Variants in SLC33A1 observed in about 807,000 individuals in gnomAD.
SLC33A1 encodes acetyl-coenzyme A transporter 1.
A neutral mutation model predicts 50.0 loss-of-function variants in SLC33A1; 20 were observed. The observed-to-expected ratio is 0.40, with a 90% CI of 0.28 to 0.58. SLC33A1 has a LOEUF of 0.58. SLC33A1 is among the 20% of genes least tolerant of loss of function. The pLI, the probability that SLC33A1 is intolerant of heterozygous loss-of-function variation, is 0.44. For synonymous variants in SLC33A1, 265 were observed against 251.8 expected, an observed-to-expected ratio of 1.05 and a Z score of -0.50; for missense variants, 476 against 657.0, an observed-to-expected ratio of 0.72 and a Z score of 3.01.
In SLC33A1 at chr3:155,854,037, G is replaced by A. The variant is rs549552505; in HGVS notation, c.-40C>T. ...AGAGCCCCGTCTGTGGGGGGCCGAGGCTGAGCGTTTTGGATCCGTCCAGTC... is the reference window on the plus strand; with the variant it reads ...AGAGCCCCGTCTGTGGGGGGCCGAGACTGAGCGTTTTGGATCCGTCCAGTC... On this transcript the variant is annotated 5_prime_UTR_variant, in exon 1 of 6. Transcript: ENST00000643144. 4 of 1,506,666 alleles carry A rather than the reference G, an allele frequency of 2.7e-6. No homozygotes were observed. In the Admixed American group the frequency reaches 7.0e-5, roughly 26 times the overall value. 93.3% of individuals were successfully genotyped at this position (1,506,666 alleles called of 1,614,324 possible). A position where few individuals can be genotyped will look rare whatever the true frequency, so the allele number is the denominator to read the frequency against.
At chr3:155,840,546 G>A (rs564873632) in intron 2 of SLC33A1, among the ~76,000 whole-genome samples, 5 of 151,950 alleles carry the variant, frequency 3.3e-5, no homozygotes, top group Admixed American at 6.5e-5. Flanking sequence ...TGCCAGGCGC[G>A]GTGGCTCATG....
Position 155,821,221 on chromosome 3 carries a change from C to T in SLC33A1, c.*6989G>A, listed in dbSNP as rs1035588662. 1 of 152,192 alleles carries T rather than the reference C, an allele frequency of 6.6e-6. No homozygotes were observed. The highest frequency in any genetic ancestry group is 1.5e-5 in the Non-Finnish European group (1 of 68,032). 9.4% of individuals were successfully genotyped at this position (152,192 alleles called of 1,614,324 possible). Reference sequence around the variant, plus strand: ...TATACTCAAAACACACCACACAAAACTATCAAGGCTAATGCTAGATATTCC... The same window carrying T: ...TATACTCAAAACACACCACACAAAATTATCAAGGCTAATGCTAGATATTCC... On this transcript the variant is annotated 3_prime_UTR_variant, in exon 6 of 6. Transcript: ENST00000643144.
intron 2 of SLC33A1, among the ~76,000 whole-genome samples, chr3:155,841,218 A>C (rs1752921700): frequency 1.3e-5 from 2 of 151,970 alleles, no homozygotes; most frequent in Admixed American, 1.3e-4. Context: ...GGCACATGCC[A>C]CCATACCCAG....
intron 2 of SLC33A1, among the ~76,000 whole-genome samples, chr3:155,837,172 A>AACAT (rs988123653): frequency 9.9e-5 from 15 of 151,750 alleles, no homozygotes; most frequent in Non-Finnish European, 2.1e-4. Flanking sequence ...CATCCTGGCT[A>AACAT]GGTGAAACCC....
intron 4 of SLC33A1, 152 bp from the exon 5 acceptor site, chr3:155,830,055 G>A: frequency 4.7e-6 from 3 of 641,814 alleles, no homozygotes; most frequent in Non-Finnish European, 8.2e-6. Context: ...CCTACTATAG[G>A]CCAGGCTTTA....
chr3:155,843,446 A>T (rs1577471439), intron 1 of SLC33A1, among the ~76,000 whole-genome samples: 1 of 152,210 alleles, frequency 6.6e-6, no homozygotes, highest in East Asian at 1.9e-4. Flanking sequence ...TCACACTCGT[A>T]GGTGCAGAAT....
At chr3:155,837,371 A>AG (rs2109320997) in intron 2 of SLC33A1, among the ~76,000 whole-genome samples, 1 of 152,084 alleles carries the variant, frequency 6.6e-6, no homozygotes, top group East Asian at 1.9e-4. Context: ...AAAAAAAAAA[A>AG]AAAAAGATAA....
chr3:155,829,638 T>C (rs372600957), intron 5 of SLC33A1, 50 bp downstream of exon 5: 5 of 1,276,256 alleles, frequency 3.9e-6, no homozygotes, highest in African/African-American at 2.9e-5. Flanking sequence ...AACAAAGATA[T>C]TAATATCTTA....
intron 2 of SLC33A1, 112 bp downstream of exon 2, chr3:155,842,320 T>A (rs1348079372): frequency 1.5e-6 from 1 of 655,818 alleles, no homozygotes; most frequent in Non-Finnish European, 2.6e-6. Context: ...TTTTTCATTG[T>A]TAAATTCTAA....
rs1752198659 is a variant in SLC33A1, at chr3:155,826,369, A to C, written c.*1841T>G. 2.0e-5 allele frequency: 3 copies of C among 152,004 alleles called. No individual in the cohort carries two copies. In the South Asian group the frequency reaches 6.2e-4, roughly 32 times the overall value. The allele number at this position is 152,004 out of a possible 1,614,324, so 9.4% of individuals were successfully genotyped here. A position where few individuals can be genotyped will look rare whatever the true frequency, so the allele number is the denominator to read the frequency against. ...ACCACTGTACTCCAGCCTGGGTGAC[A>C]AAGTGAGACTCTGTCTCAATTAAAA... On this transcript the variant is annotated 3_prime_UTR_variant, in exon 6 of 6. Coordinates refer to ENST00000643144, the MANE Select transcript of SLC33A1 (RefSeq NM_004733.4).
At chr3:155,842,734 TA>T in intron 1 of SLC33A1, 115 bp from the exon 2 acceptor site, 1 of 630,266 alleles carries the variant, frequency 1.6e-6, no homozygotes, top group Non-Finnish European at 2.6e-6. Flanking sequence ...ATTAGCCAAG[TA>T]CAGGTGCTCA....
At position 155,821,988 on chromosome 3, in the gene SLC33A1, G is replaced by A. The variant is rs539200041; in HGVS notation, c.*6222C>T. On this transcript the variant is annotated 3_prime_UTR_variant, in exon 6 of 6. Transcript: ENST00000643144. ...GGGTTTCACCATGTTGGCCAGGCTG[G>A]TCTCAAACTCCTGACCTCAAGTGAT... The A allele has an allele frequency of 5.9e-5, 9 of 151,846 alleles. No homozygotes were observed. The highest frequency in any genetic ancestry group is 2.2e-4 in the African/African-American group (9 of 41,380). The allele number at this position is 151,846 out of a possible 1,614,324, so 9.4% of individuals were successfully genotyped here.
Position 155,853,181 on chromosome 3 carries a change from A to G in SLC33A1, c.775+42T>C, listed in dbSNP as rs774806977. ...CTCCAACGTCACACACTCTTTCAAA[A>G]GGATAAATAAACCTAACACCATAAT... is the stretch of plus-strand genomic sequence containing the variant. On this transcript the variant is annotated intron_variant, in intron 1 of 5. Coordinates refer to ENST00000643144, the MANE Select transcript of SLC33A1 (RefSeq NM_004733.4). The G allele has an allele frequency of 4.5e-6, 7 of 1,544,294 alleles. No individual in the cohort carries two copies. The Admixed American group carries it at 1.0e-4, about 22-fold the overall frequency.
intron 2 of SLC33A1, among the ~76,000 whole-genome samples, chr3:155,838,589 G>A (rs748123667): frequency 6.6e-6 from 1 of 151,078 alleles, no homozygotes; most frequent in Non-Finnish European, 1.5e-5. Context: ...GCTGAGGCAG[G>A]AGAATTGCTT....
chr3:155,853,375 T>C lies in SLC33A1; in HGVS notation c.623A>G (p.Glu208Gly), dbSNP rs748977944. Residue 208 changes from glutamate to glycine, a missense_variant, in exon 1 of 6, where the codon GAA becomes GGA. Transcript: ENST00000643144. ...GCAAGTAGAAGCATAACCCACATTT[T>C]CCCTGGATAACATAGTTAACGCCCA... is the stretch of plus-strand genomic sequence containing the variant. The part of the protein sequence containing the change: ...DGWALTMLSR[E>G]NVGYASTCNS... 6.2e-7 allele frequency: 1 copy of C among 1,613,982 alleles called. No individual in the cohort carries two copies. Among genetic ancestry groups the C allele is most frequent in the African/African-American group, 1.3e-5 (1 of 74,908 alleles).
At chr3:155,842,969 C>T (rs2107982305) in intron 1 of SLC33A1, 1 of 148,272 alleles carries the variant, frequency 6.7e-6, no homozygotes, top group Admixed American at 7.2e-5. Flanking sequence ...CCACTGCACT[C>T]TGGCATGGCC....
chr3:155,829,991 A>G, intron 4 of SLC33A1, 88 bp from the exon 5 acceptor site: 1 of 853,706 alleles, frequency 1.2e-6, no homozygotes, highest in Non-Finnish European at 1.9e-6. Context: ...CATAAACCTG[A>G]AATTAATTTT....
intron 2 of SLC33A1, among the ~76,000 whole-genome samples, chr3:155,839,366 T>C (rs1242582287): frequency 1.7e-5 from 1 of 59,238 alleles, no homozygotes; most frequent in Admixed American, 2.2e-4. Flanking sequence ...AAAGCGAGAC[T>C]CTGTCTCAAA....
intron 1 of SLC33A1, among the ~76,000 whole-genome samples, chr3:155,847,498 A>G (rs1753217766): frequency 6.6e-6 from 1 of 152,048 alleles, no homozygotes; most frequent in Non-Finnish European, 1.5e-5. Flanking sequence ...TAATCCCAGC[A>G]CTTTGGGAAG....
Sources: gnomAD v4.1 joint callset for allele counts (sites outside exome capture counted in the v4.1 genomes callset) on GRCh38, gnomAD v4.1.1 for gene constraint, MANE v1.5 for transcripts, NCBI Gene and HGNC (gene_info 2026-07-23, HGNC 2026-07-21) for gene names.